Variants in PRKG1 observed in about 807,000 individuals in gnomAD.
PRKG1 encodes the protein cGMP-dependent protein kinase 1.
A neutral mutation model predicts 88.1 loss-of-function variants in PRKG1; 35 were observed. The ratio of observed to expected loss-of-function variants is 0.40; its 90% CI spans 0.30 to 0.53. The LOEUF (loss-of-function observed/expected upper bound fraction) is 0.53, where lower values mean the gene tolerates loss of function less well. Ranked by LOEUF, PRKG1 falls within the 20% of genes least tolerant of loss-of-function variation. The pLI, the probability that PRKG1 is intolerant of heterozygous loss-of-function variation, is 0.59. For missense variants in PRKG1, 540 were observed against 839.8 expected, an observed-to-expected ratio of 0.64 and a Z score of 4.41; for synonymous variants, 303 against 292.5, an observed-to-expected ratio of 1.04 and a Z score of -0.37.
chr10:51,312,408 C>T (rs7091469), intron 2 of PRKG1, among the ~76,000 whole-genome samples: 24,122 of 152,136 alleles, frequency 0.16, 1,975 homozygotes, highest in Admixed American at 0.18. Flanking sequence ...AGGAAAACTG[C>T]GCTATGACAA....
rs572162570 is a variant in PRKG1 at position 52,179,514 on chromosome 10, A to C, written c.1076+17551A>C. Among the ~76,000 whole-genome samples, 5 of 152,174 alleles carry C rather than the reference A, an allele frequency of 3.3e-5. No individual in the cohort carries two copies. The East Asian group carries it at 5.8e-4, about 18-fold the overall frequency. On this transcript the variant is annotated intron_variant, in intron 9 of 17. Transcript: ENST00000373980. ...TTGACACTTTTCTCTTGCTGTTTTT[A>C]GAATTCATTCTTTGTTTTTTGCTTT...
intron 10 of PRKG1, among the ~76,000 whole-genome samples, chr10:52,266,575 A>G (rs968360738): frequency 3.3e-5 from 5 of 151,956 alleles, no homozygotes; most frequent in Non-Finnish European, 7.4e-5. Context: ...AGCATCCACA[A>G]TATTATAGAA....
At chr10:51,116,670 G>A (rs756243815) in intron 1 of PRKG1, among the ~76,000 whole-genome samples, 34 of 152,186 alleles carry the variant, frequency 2.2e-4, no homozygotes, top group Non-Finnish European at 4.0e-4. Context: ...CTGGTGGGAT[G>A]ATGGTAGGAA....
chr10:51,072,259 C>T (rs1233142282), upstream of PRKG1, among the ~76,000 whole-genome samples: 2 of 152,068 alleles, frequency 1.3e-5, no homozygotes, highest in African/African-American at 4.8e-5. Flanking sequence ...CTGAACCCAG[C>T]TTAGCAGTTG....
intron 4 of PRKG1, among the ~76,000 whole-genome samples, chr10:51,896,974 G>T (rs1000607711): frequency 6.6e-6 from 1 of 152,062 alleles, no homozygotes; most frequent in African/African-American, 2.4e-5. Context: ...GCGTGATAAG[G>T]GCTAAACATT....
At chr10:51,592,768 T>G (rs2132210880) in intron 3 of PRKG1, among the ~76,000 whole-genome samples, 1 of 152,334 alleles carries the variant, frequency 6.6e-6, no homozygotes, top group South Asian at 2.1e-4. Context: ...CTTTTATTTT[T>G]TAATTTTGAC....
chr10:51,400,088 G>A (rs1046994602), intron 2 of PRKG1, among the ~76,000 whole-genome samples: 8 of 152,132 alleles, frequency 5.3e-5, no homozygotes, highest in African/African-American at 1.9e-4. Context: ...TAAGAACCAG[G>A]TCTGATTCAT....
chr10:51,552,488 G>T (rs1246715110), intron 3 of PRKG1, among the ~76,000 whole-genome samples: 1 of 151,552 alleles, frequency 6.6e-6, no homozygotes, highest in African/African-American at 2.4e-5. Flanking sequence ...ATAGTAGCTA[G>T]ATCATGATTC....
At chr10:52,197,757 G>A (rs572214232) in intron 9 of PRKG1, among the ~76,000 whole-genome samples, 1 of 152,240 alleles carries the variant, frequency 6.6e-6, no homozygotes, top group East Asian at 1.9e-4. Context: ...CTAGAGATGT[G>A]GACTTAGTCA....
At position 51,849,917 on chromosome 10, in the gene PRKG1, A is replaced by G. The variant is rs79730764; in HGVS notation, c.698+45227A>G. ...GACACAAACTAGAAAGTCCAGACATAGCTCCATCAGTGGAATCAAGGTAGA... is the reference window on the plus strand; with the variant it reads ...GACACAAACTAGAAAGTCCAGACATGGCTCCATCAGTGGAATCAAGGTAGA... On this transcript the variant is annotated intron_variant, in intron 4 of 17. Coordinates refer to ENST00000373980, the MANE Select transcript of PRKG1 (RefSeq NM_006258.4). Among the ~76,000 whole-genome samples the G allele has an allele frequency of 9.4e-4, 143 of 152,290 alleles. 1 individual carries two copies. The highest frequency in any genetic ancestry group is 3.1e-3 in the African/African-American group (130 of 41,558).
chr10:51,311,674 A>G (rs944907888), intron 2 of PRKG1, among the ~76,000 whole-genome samples: 1 of 152,208 alleles, frequency 6.6e-6, no homozygotes, highest in Non-Finnish European at 1.5e-5. Flanking sequence ...ATGTAGGTTC[A>G]ACCAACCAAA....
intron 5 of PRKG1, among the ~76,000 whole-genome samples, chr10:51,973,437 C>T (rs1289248272): frequency 6.6e-6 from 1 of 152,156 alleles, no homozygotes. Context: ...TGTTCCATTG[C>T]ATGTCTTCTA....
At chr10:51,338,441 G>A (rs1041467101) in intron 2 of PRKG1, among the ~76,000 whole-genome samples, 4 of 152,006 alleles carry the variant, frequency 2.6e-5, no homozygotes, top group Admixed American at 2.6e-4. Flanking sequence ...GAAAAATAAG[G>A]GTTTCTAGGC....
At chr10:52,038,006 C>G (rs1845661037) in intron 5 of PRKG1, among the ~76,000 whole-genome samples, 2 of 152,128 alleles carry the variant, frequency 1.3e-5, no homozygotes, top group Non-Finnish European at 2.9e-5. Context: ...TCAGGCACCT[C>G]AGACCATTTG....
intron 5 of PRKG1, among the ~76,000 whole-genome samples, chr10:51,984,125 A>G (rs998983508): frequency 6.6e-6 from 1 of 152,200 alleles, no homozygotes; most frequent in African/African-American, 2.4e-5. Context: ...ACAGAAGAGA[A>G]ATGCATTGGG....
At chr10:51,887,469 T>TTGAGG (rs1841600759) in intron 4 of PRKG1, among the ~76,000 whole-genome samples, 1 of 123,540 alleles carries the variant, frequency 8.1e-6, no homozygotes, top group African/African-American at 2.9e-5. Flanking sequence ...AGTTCTATTT[T>TTGAGG]AAATTTTTTG....
chr10:51,370,270 A>G (rs910119439), intron 2 of PRKG1, among the ~76,000 whole-genome samples: 1 of 152,070 alleles, frequency 6.6e-6, no homozygotes, highest in Non-Finnish European at 1.5e-5. Context: ...CCCCACAGGT[A>G]CTTTTTTCTT....
At chr10:51,872,981 C>T (rs1176803575) in intron 4 of PRKG1, among the ~76,000 whole-genome samples, 1 of 151,762 alleles carries the variant, frequency 6.6e-6, no homozygotes, top group African/African-American at 2.4e-5. Context: ...TTTGTATGAC[C>T]TCTACTTCTC....
At chr10:51,260,434 T>A (rs1052430392) in intron 2 of PRKG1, among the ~76,000 whole-genome samples, 3 of 151,998 alleles carry the variant, frequency 2.0e-5, no homozygotes, top group African/African-American at 7.2e-5. Flanking sequence ...TGCTACAATT[T>A]AAAAAAAAAT....
Sources: allele counts gnomAD v4.1 joint callset (sites outside exome capture counted in the v4.1 genomes callset), GRCh38; gene constraint gnomAD v4.1.1; transcripts MANE v1.5; gene names NCBI Gene and HGNC (gene_info 2026-07-23, HGNC 2026-07-21).